Variants in DHX35 observed in about 807,000 individuals in gnomAD.
DHX35 encodes probable ATP-dependent RNA helicase DHX35.
A neutral mutation model predicts 99.6 loss-of-function variants in DHX35; 84 were observed. The ratio of observed to expected loss-of-function variants is 0.84; its 90% CI spans 0.71 to 1.01. The LOEUF (loss-of-function observed/expected upper bound fraction) is 1.01. DHX35 is among the 50% of genes least tolerant of loss of function. DHX35 has a pLI of 0.00. For missense variants in DHX35, 852 were observed against 888.5 expected (o/e 0.96, Z 0.52); for synonymous variants, 331 against 316.2 (o/e 1.05, Z -0.50).
chr20:38,974,414 T>C (rs531737636), intron 3 of DHX35, among the ~76,000 whole-genome samples: 28 of 152,330 alleles, frequency 1.8e-4, no homozygotes, highest in African/African-American at 6.7e-4. Flanking sequence ...GATGGATATT[T>C]GTGATGACAA....
At chr20:39,019,697 A>AT (rs1048710921) in intron 15 of DHX35, among the ~76,000 whole-genome samples, 5 of 151,962 alleles carry the variant, frequency 3.3e-5, no homozygotes, top group African/African-American at 1.2e-4. Context: ...CCAACTTATC[A>AT]TTTTTTTTGT....
intron 18 of DHX35, among the ~76,000 whole-genome samples, chr20:39,027,446 G>A (rs1328372120): frequency 6.6e-6 from 1 of 152,100 alleles, no homozygotes; most frequent in Non-Finnish European, 1.5e-5. Context: ...ATGGGCTAAG[G>A]ATTAGAACAA....
chr20:38,993,194 C>T (rs922015841), intron 7 of DHX35, among the ~76,000 whole-genome samples: 6 of 152,202 alleles, frequency 3.9e-5, no homozygotes, highest in Non-Finnish European at 8.8e-5. Flanking sequence ...TGAGTTTACT[C>T]ATCTCTAAAA....
chr20:39,019,363 G>A (rs2086837371), intron 15 of DHX35, among the ~76,000 whole-genome samples: 1 of 152,050 alleles, frequency 6.6e-6, no homozygotes, highest in Non-Finnish European at 1.5e-5. Context: ...TTTTTAAGGC[G>A]GAATAGTATT....
chr20:39,011,799 G>A (rs1292332384), intron 13 of DHX35, among the ~76,000 whole-genome samples: 1 of 152,182 alleles, frequency 6.6e-6, no homozygotes, highest in African/African-American at 2.4e-5. Flanking sequence ...TTCTTGGATA[G>A]TAAAGTCCCT....
chr20:38,996,674 A>G (rs1383747426), intron 8 of DHX35, among the ~76,000 whole-genome samples: 3 of 152,330 alleles, frequency 2.0e-5, no homozygotes, highest in East Asian at 3.9e-4. Flanking sequence ...TCTGGGATAC[A>G]GAACAACTTG....
At chr20:39,014,328 T>TTA in intron 13 of DHX35, among the ~76,000 whole-genome samples, 1 of 152,242 alleles carries the variant, frequency 6.6e-6, no homozygotes, top group East Asian at 1.9e-4. Flanking sequence ...TCAGCTTTGC[T>TTA]TATGAACTTT....
intron 1 of DHX35, among the ~76,000 whole-genome samples, chr20:38,968,226 A>G (rs57084756): frequency 0.021 from 3,165 of 152,166 alleles, 120 homozygotes; most frequent in African/African-American, 0.073. Context: ...GAACCCTGGC[A>G]CTGCCGGCAG....
intron 20 of DHX35, among the ~76,000 whole-genome samples, chr20:39,032,273 G>A (rs575342100): frequency 7.9e-5 from 12 of 152,310 alleles, no homozygotes; most frequent in African/African-American, 2.4e-4. Context: ...CGGGGTTCAA[G>A]TGATTCTCCT....
chr20:38,989,010 C>A, intron 5 of DHX35, 93 bp downstream of exon 5: 5 of 1,359,378 alleles, frequency 3.7e-6, no homozygotes, highest in Admixed American at 2.1e-5. Context: ...CTGTACAGGA[C>A]ATTGATACCA....
At chr20:38,998,106 CT>C (rs1400229645) in intron 8 of DHX35, among the ~76,000 whole-genome samples, 7 of 152,344 alleles carry the variant, frequency 4.6e-5, no homozygotes, top group Admixed American at 4.6e-4. Context: ...GCTTTATCTG[CT>C]TTCTTAATGT....
At chr20:39,001,181 G>T (rs80012350) in intron 8 of DHX35, among the ~76,000 whole-genome samples, 2 of 152,142 alleles carry the variant, frequency 1.3e-5, no homozygotes, top group Non-Finnish European at 2.9e-5. Flanking sequence ...ACAAAGCCTC[G>T]CACTCACTAC....
chr20:38,993,051 C>G (rs2086365712), intron 7 of DHX35, among the ~76,000 whole-genome samples: 1 of 152,200 alleles, frequency 6.6e-6, no homozygotes, highest in Admixed American at 6.5e-5. Context: ...TCCACTCTCT[C>G]CTCCCTTCCC....
chr20:39,033,110 G>A (rs2087084960), intron 20 of DHX35, among the ~76,000 whole-genome samples: 1 of 152,092 alleles, frequency 6.6e-6, no homozygotes, highest in Non-Finnish European at 1.5e-5. Context: ...GTGGCACGTG[G>A]CTGTAGTACT....
At chr20:38,982,104 T>C (rs2086183590) in intron 3 of DHX35, among the ~76,000 whole-genome samples, 1 of 152,192 alleles carries the variant, frequency 6.6e-6, no homozygotes. Context: ...TGTCTATCCA[T>C]CTATATTTTA....
chr20:39,034,259 C>G lies in DHX35; in HGVS notation c.2009C>G (p.Thr670Ser), dbSNP rs1402989029. The G allele has an allele frequency of 6.2e-7, 1 of 1,614,224 alleles. No individual in the cohort carries two copies. The change falls in exon 21 of 22, where the codon ACT becomes AGT. Residue 670 changes from threonine to serine, a missense_variant. Physicochemically the swap from Thr to Ser is moderately conservative, Grantham distance 58. Coordinates refer to ENST00000252011, the MANE Select transcript of DHX35 (RefSeq NM_021931.4). ...QTSKYYMRDV[T>S]AIESAWLLEL... Reference sequence around the variant, plus strand: ...TCCAAGTACTACATGAGAGATGTGACTGCCATTGAATCGGCCTGGCTGTTG... The same window carrying G: ...TCCAAGTACTACATGAGAGATGTGAGTGCCATTGAATCGGCCTGGCTGTTG...
intron 18 of DHX35, among the ~76,000 whole-genome samples, chr20:39,027,191 G>C (rs1337423658): frequency 1.3e-5 from 2 of 152,064 alleles, no homozygotes; most frequent in African/African-American, 2.4e-5. Context: ...ACTGGATATC[G>C]GATTAGATCA....
intron 12 of DHX35, among the ~76,000 whole-genome samples, chr20:39,007,449 G>C (rs1487291838): frequency 6.6e-6 from 1 of 152,144 alleles, no homozygotes; most frequent in Non-Finnish European, 1.5e-5. Context: ...CTTTTCCTTG[G>C]GCTGTTTTCC....
intron 1 of DHX35, among the ~76,000 whole-genome samples, chr20:38,967,138 C>G (rs201868649): frequency 0.045 from 1 of 22 alleles, no homozygotes; most frequent in Non-Finnish European, 0.083. Flanking sequence ...GGTCTACGGA[C>G]CCCCCCGAAT....
Sources: allele counts gnomAD v4.1 joint callset (sites outside exome capture counted in the v4.1 genomes callset), GRCh38; gene constraint gnomAD v4.1.1; transcripts MANE v1.5; gene names NCBI Gene and HGNC (gene_info 2026-07-23, HGNC 2026-07-21).